The following EYS variants were observed in gnomAD, a reference collection of about 807,000 sequenced individuals.
EYS encodes the protein protein eyes shut homolog.
EYS carries 250 observed loss-of-function variants against 282.1 expected under a neutral mutation model. The observed-to-expected ratio is 0.89, with a 90% CI of 0.80 to 0.98. The LOEUF (loss-of-function observed/expected upper bound fraction) is 0.98, where lower values mean the gene tolerates loss of function less well. Among genes scored for constraint, EYS ranks in the 50% least tolerant of loss-of-function variants. EYS has a pLI of 0.00. For synonymous variants in EYS, 1,355 were observed against 1,282.9 expected, an observed-to-expected ratio of 1.06 and a Z score of -1.20; for missense variants, 4,016 against 3,709.0, an observed-to-expected ratio of 1.08 and a Z score of -2.15.
intron 13 of EYS, among the ~76,000 whole-genome samples, chr6:65,006,928 A>T (rs1246472034): frequency 1.1e-4 from 16 of 152,192 alleles, no homozygotes; most frequent in Non-Finnish European, 2.4e-4. Flanking sequence ...TCTGAAATGA[A>T]TTTGCATAAG....
chr6:64,934,154 G>A (rs1039409498), intron 15 of EYS, among the ~76,000 whole-genome samples: 4 of 151,416 alleles, frequency 2.6e-5, no homozygotes, highest in African/African-American at 9.7e-5. Flanking sequence ...AAAGTTATTG[G>A]AAAAAATAAA....
chr6:64,160,674 G>A (rs1284428016), intron 31 of EYS, among the ~76,000 whole-genome samples: 2 of 152,136 alleles, frequency 1.3e-5, no homozygotes, highest in East Asian at 3.8e-4. Context: ...CTGCTTTAAT[G>A]CATCTTTGTC....
intron 26 of EYS, among the ~76,000 whole-genome samples, chr6:64,512,595 A>G (rs1777444018): frequency 6.6e-6 from 1 of 151,932 alleles, no homozygotes; most frequent in Middle Eastern, 3.4e-3. Flanking sequence ...GAAGATTACA[A>G]TATGATTAAT....
intron 2 of EYS, among the ~76,000 whole-genome samples, chr6:65,511,984 C>CA (rs11368301): frequency 0.026 from 2,459 of 94,584 alleles, 57 homozygotes; most frequent in Non-Finnish European, 0.038. Context: ...AACTCTGTCT[C>CA]AAAAAAAAAA....
At chr6:65,299,819 C>A (rs1200024392) in intron 11 of EYS, among the ~76,000 whole-genome samples, 1 of 151,976 alleles carries the variant, frequency 6.6e-6, no homozygotes, top group Non-Finnish European at 1.5e-5. Context: ...AAACATTATT[C>A]ATTGATGTCA....
At chr6:64,887,708 G>A (rs974485139) in intron 18 of EYS, among the ~76,000 whole-genome samples, 2 of 151,904 alleles carry the variant, frequency 1.3e-5, no homozygotes, top group African/African-American at 2.4e-5. Context: ...TTAATTAATT[G>A]AGCGCCAGAC....
At chr6:64,468,819 T>C (rs1200951981) in intron 26 of EYS, among the ~76,000 whole-genome samples, 1 of 152,242 alleles carries the variant, frequency 6.6e-6, no homozygotes, top group African/African-American at 2.4e-5. Flanking sequence ...TCTTTGTTGC[T>C]GTAAAGGACA....
In EYS at chr6:64,118,744, GAC is replaced by G. The variant is rs771569454; in HGVS notation, c.6425-36744_6425-36743del. ...AAAGGAAAAATCAACAGAATGAAGA[GAC>G]AATCTGTAGAAGGAGAGAAAATATT... On this transcript the variant is annotated intron_variant, in intron 31 of 42. Coordinates refer to ENST00000503581, the MANE Select transcript of EYS (RefSeq NM_001142800.2). 6.8e-4 allele frequency among the ~76,000 whole-genome samples: 103 copies of G among 152,192 alleles called. 1 individual carries two copies. The highest frequency in any genetic ancestry group is 1.2e-3 in the Non-Finnish European group (83 of 67,964).
At chr6:64,309,858 G>A (rs6454785) in intron 29 of EYS, among the ~76,000 whole-genome samples, 102,634 of 151,402 alleles carry the variant, frequency 0.68, 34,834 homozygotes, top group South Asian at 0.71. Context: ...CCAGCTACTC[G>A]GGAGGCTGTG....
intron 36 of EYS, among the ~76,000 whole-genome samples, chr6:63,858,682 G>GT (rs1772455077): frequency 1.3e-5 from 2 of 151,962 alleles, no homozygotes; most frequent in South Asian, 4.2e-4. Flanking sequence ...GTATTTCTTT[G>GT]TAACAAGGAA....
In EYS at chr6:64,766,650, ATATATATATATATATATAT is replaced by A. The variant is rs1173330859; in HGVS notation, c.3443+46709_3443+46727del. On this transcript the variant is annotated intron_variant, in intron 22 of 42. Transcript: ENST00000503581. The stretch of plus-strand genomic sequence containing the variant: ...CCGTCTCAAAAAAAAAAAAAAAAAA[ATATATATATATATATATAT>A]ATATATATATATATAAAATCTAACA... Among the ~76,000 whole-genome samples, 51 of 27,648 alleles carry A rather than the reference ATATATATATATATATATAT, an allele frequency of 1.8e-3. 2 individuals carry two copies. Among genetic ancestry groups the A allele is most frequent in the African/African-American group, 4.6e-3 (23 of 4,974 alleles). The allele number at this position is 27,648 out of a possible 152,430, so 18.1% of individuals were successfully genotyped here.
chr6:64,683,340 G>T (rs1183289796), intron 22 of EYS, among the ~76,000 whole-genome samples: 1 of 151,822 alleles, frequency 6.6e-6, no homozygotes, highest in Non-Finnish European at 1.5e-5. Flanking sequence ...TATATTTAAG[G>T]AGTTAAAAAA....
chr6:64,097,048 C>T (rs184605271), intron 31 of EYS, among the ~76,000 whole-genome samples: 10,832 of 151,210 alleles, frequency 0.072, 1,016 homozygotes, highest in African/African-American at 0.22. Flanking sequence ...GTATCAGCAG[C>T]GGAGGCTGCA....
At chr6:64,121,471 C>G (rs1192946916) in intron 31 of EYS, among the ~76,000 whole-genome samples, 1 of 152,166 alleles carries the variant, frequency 6.6e-6, no homozygotes, top group East Asian at 1.9e-4. Flanking sequence ...GCGGAGCTAA[C>G]AGCTGTCTAA....
intron 35 of EYS, among the ~76,000 whole-genome samples, chr6:63,924,507 G>A (rs1308764662): frequency 6.6e-6 from 1 of 152,204 alleles, no homozygotes; most frequent in Non-Finnish European, 1.5e-5. Flanking sequence ...GAAACACCTG[G>A]TAGTCAATGC....
intron 35 of EYS, among the ~76,000 whole-genome samples, chr6:63,903,802 A>T (rs1773711380): frequency 6.6e-6 from 1 of 152,242 alleles, no homozygotes; most frequent in African/African-American, 2.4e-5. Context: ...CCTCTTGTGC[A>T]GAAATAGCTA....
chr6:64,613,730 C>G (rs953465638), intron 24 of EYS, among the ~76,000 whole-genome samples: 10 of 152,022 alleles, frequency 6.6e-5, no homozygotes, highest in African/African-American at 2.4e-4. Flanking sequence ...TACAGGGGAG[C>G]CCACTCTTAG....
At chr6:64,343,857 A>G (rs552542704) in intron 29 of EYS, among the ~76,000 whole-genome samples, 2 of 152,160 alleles carry the variant, frequency 1.3e-5, no homozygotes, top group Admixed American at 1.3e-4. Flanking sequence ...AGACGCAATA[A>G]AAAATGATAA....
intron 22 of EYS, among the ~76,000 whole-genome samples, chr6:64,710,507 T>C (rs1771172431): frequency 6.6e-6 from 1 of 152,236 alleles, no homozygotes; most frequent in African/African-American, 2.4e-5. Flanking sequence ...CCAAGAAACC[T>C]GGAATTGGGC....
Sources: gnomAD v4.1 joint callset for allele counts (sites outside exome capture counted in the v4.1 genomes callset) on GRCh38, gnomAD v4.1.1 for gene constraint, MANE v1.5 for transcripts, NCBI Gene and HGNC (gene_info 2026-07-23, HGNC 2026-07-21) for gene names.